The following CALD1 variants were observed in gnomAD, a reference collection of about 807,000 sequenced individuals.
The protein encoded by CALD1 is caldesmon.
Under a neutral mutation model 99.9 loss-of-function variants are expected in CALD1, and 33 were observed. The ratio of observed to expected loss-of-function variants is 0.33; its 90% CI spans 0.25 to 0.44. CALD1 has a LOEUF of 0.44. Among genes scored for constraint, CALD1 ranks in the 20% least tolerant of loss-of-function variants. The pLI, the probability that CALD1 is intolerant of heterozygous loss-of-function variation, is 1.00. For missense variants in CALD1, 861 were observed against 962.1 expected, an observed-to-expected ratio of 0.89 and a Z score of 1.39; for synonymous variants, 310 against 325.0, an observed-to-expected ratio of 0.95 and a Z score of 0.50.
intron 4 of CALD1, 123 bp from the exon 5 acceptor site, chr7:134,932,865 G>C: frequency 1.6e-6 from 1 of 631,702 alleles, no homozygotes; most frequent in Non-Finnish European, 2.8e-6. Context: ...GTAACGTACT[G>C]GGGATATGGG....
At chr7:134,922,877 C>T (rs1804719184) in intron 3 of CALD1, among the ~76,000 whole-genome samples, 2 of 152,196 alleles carry the variant, frequency 1.3e-5, no homozygotes, top group South Asian at 4.1e-4. Context: ...AAAATATCTT[C>T]AGTGTAAAAG....
chr7:134,895,298 A>ATGTGTGTGTGTGTGTGTG (rs71172482), intron 3 of CALD1, among the ~76,000 whole-genome samples: 3 of 138,646 alleles, frequency 2.2e-5, no homozygotes, highest in African/African-American at 5.3e-5. Flanking sequence ...TTATATATGT[A>ATGTGTGTGTGTGTGTGTG]TGTGTGTGTG....
intron 2 of CALD1, among the ~76,000 whole-genome samples, chr7:134,863,337 A>G (rs1270008249): frequency 6.6e-6 from 1 of 152,252 alleles, no homozygotes; most frequent in Non-Finnish European, 1.5e-5. Flanking sequence ...TGGATGCTGC[A>G]TTAACTTATT....
At chr7:134,957,020 G>A (rs996355510) in intron 9 of CALD1, among the ~76,000 whole-genome samples, 5 of 151,914 alleles carry the variant, frequency 3.3e-5, no homozygotes, top group African/African-American at 1.2e-4. Flanking sequence ...ACTCATCAAA[G>A]ACTACTAACT....
At chr7:134,711,674 ATATATATGTG>A in the CALD1 span, among the ~76,000 whole-genome samples, 5 of 84,760 alleles carry the variant, frequency 5.9e-5, no homozygotes, top group Non-Finnish European at 9.9e-5. Context: ...ATATATATAT[ATATATATGTG>A]TGTGTGTGTG....
intron 1 of CALD1, among the ~76,000 whole-genome samples, chr7:134,748,644 G>C (rs1431098793): frequency 6.6e-6 from 1 of 152,126 alleles, no homozygotes; most frequent in Non-Finnish European, 1.5e-5. Flanking sequence ...CTGGAAGGCA[G>C]AGGTTGCAGT....
At chr7:134,794,289 G>A (rs9692094) in intron 1 of CALD1, among the ~76,000 whole-genome samples, 1,679 of 152,208 alleles carry the variant, frequency 0.011, 35 homozygotes, top group African/African-American at 0.038. Flanking sequence ...GTCTAGGCTC[G>A]CACGGGATGC....
rs1170813019 is a variant in CALD1, at chr7:134,765,679, TG to T, written c.-130+21320del. ...GAATTGTAATCTGCAGTATTGGAGG[TG>T]GGGCCTGGTAGGAGGTGATCGGATC... On this transcript the variant is annotated intron_variant, in intron 1 of 13. Transcript: ENST00000417172. Among the ~76,000 whole-genome samples, 3 of 152,134 alleles carry T rather than the reference TG, an allele frequency of 2.0e-5. 1 individual carries two copies. The South Asian group carries it at 6.2e-4, about 32-fold the overall frequency.
At chr7:134,780,718 A>C (rs1797074951) in intron 1 of CALD1, among the ~76,000 whole-genome samples, 1 of 152,186 alleles carries the variant, frequency 6.6e-6, no homozygotes, top group Non-Finnish European at 1.5e-5. Flanking sequence ...ATGGTCAAAA[A>C]AAGTGGATGA....
At position 134,867,803 on chromosome 7, in the gene CALD1, A is replaced by C; in HGVS notation, c.70A>C (p.Arg24=). The C allele has an allele frequency of 6.3e-7, 1 of 1,594,438 alleles. No homozygotes were observed. Among genetic ancestry groups the C allele is most frequent in the Non-Finnish European group, 8.6e-7 (1 of 1,164,246 alleles). ...GGAGGAGATGCGACTCGAAGCAGAA[A>C]GGTAAGGATCTAGGGTGAAAAATAC... ...KREEMRLEAE[R]IAYQRNDDDE... Residue 24 remains arginine (R), a splice_region_variant and synonymous_variant, in exon 3 of 15, where the codon AGA becomes CGA. Coordinates refer to ENST00000361675, the MANE Select transcript of CALD1 (RefSeq NM_033138.4).
intron 1 of CALD1, among the ~76,000 whole-genome samples, chr7:134,749,678 A>G (rs774564227): frequency 1.6e-4 from 24 of 152,148 alleles, no homozygotes; most frequent in Non-Finnish European, 3.1e-4. Context: ...CTGTTGTGTA[A>G]GGTCAAGATG....
chr7:134,758,703 C>T (rs1189103417), intron 1 of CALD1, among the ~76,000 whole-genome samples: 1 of 151,678 alleles, frequency 6.6e-6, no homozygotes, highest in African/African-American at 2.4e-5. Flanking sequence ...TTTTAAGTAA[C>T]ATTTACTTAT....
At chr7:134,940,311 C>G (rs1806328887) in intron 6 of CALD1, among the ~76,000 whole-genome samples, 1 of 152,152 alleles carries the variant, frequency 6.6e-6, no homozygotes, top group Admixed American at 6.5e-5. Flanking sequence ...GAAAGAAACA[C>G]AAAACGCACA....
At chr7:134,752,712 C>G (rs1796694995) in intron 1 of CALD1, among the ~76,000 whole-genome samples, 2 of 152,134 alleles carry the variant, frequency 1.3e-5, no homozygotes, top group Non-Finnish European at 2.9e-5. Context: ...CAAAAATACA[C>G]TTTTCAGGCT....
the CALD1 span, among the ~76,000 whole-genome samples, chr7:134,731,972 A>T: frequency 6.6e-6 from 1 of 152,200 alleles, no homozygotes; most frequent in Non-Finnish European, 1.5e-5. Flanking sequence ...GCACCAGCTC[A>T]AAAGATTGAT....
intron 3 of CALD1, among the ~76,000 whole-genome samples, chr7:134,892,230 T>C (rs963931213): frequency 1.3e-5 from 2 of 152,204 alleles, no homozygotes; most frequent in Non-Finnish European, 2.9e-5. Context: ...CCTGGAATGT[T>C]AAAGCCAGAA....
intron 1 of CALD1, among the ~76,000 whole-genome samples, chr7:134,800,796 T>C (rs1297426811): frequency 6.6e-6 from 1 of 151,978 alleles, no homozygotes; most frequent in African/African-American, 2.4e-5. Context: ...TAAAAATACT[T>C]GCTTAATATG....
At chr7:134,746,515 A>T (rs940368711) in intron 1 of CALD1, among the ~76,000 whole-genome samples, 11 of 152,242 alleles carry the variant, frequency 7.2e-5, no homozygotes, top group Non-Finnish European at 1.0e-4. Flanking sequence ...AAAATGTGGA[A>T]GCAGCTTTGG....
chr7:134,716,632 GA>G, the CALD1 span, among the ~76,000 whole-genome samples: 1 of 152,244 alleles, frequency 6.6e-6, no homozygotes. Flanking sequence ...AACTCAGCCA[GA>G]AGGGTTCATG....
Sources: gnomAD v4.1 joint callset for allele counts (sites outside exome capture counted in the v4.1 genomes callset) on GRCh38, gnomAD v4.1.1 for gene constraint, MANE v1.5 for transcripts, NCBI Gene and HGNC (gene_info 2026-07-23, HGNC 2026-07-21) for gene names.